Variants in CMYA5 observed in about 807,000 individuals in gnomAD.
The protein encoded by CMYA5 is cardiomyopathy-associated protein 5.
In CMYA5, 246 loss-of-function variants were observed where a neutral mutation model predicts 318.9. The ratio of observed to expected loss-of-function variants is 0.77; its 90% CI spans 0.70 to 0.86. CMYA5 has a LOEUF of 0.86. Among genes scored for constraint, CMYA5 ranks in the 40% least tolerant of loss-of-function variants. The probability of loss-of-function intolerance (pLI) is 0.00; values close to 1 mark genes in which losing one functional copy is unlikely to be tolerated. For missense variants in CMYA5, 4,589 were observed against 4,678.2 expected (o/e 0.98, Z 0.56); for synonymous variants, 1,641 against 1,729.5 (o/e 0.95, Z 1.27).
rs377265303 is a variant in CMYA5, at chr5:79,735,654, G to A, written c.6889G>A (p.Asp2297Asn). 41 of 1,613,044 alleles carry A rather than the reference G, an allele frequency of 2.5e-5. No individual in the cohort carries two copies. The African/African-American group carries it at 3.3e-4, about 13-fold the overall frequency. Residue 2297 changes from aspartate to asparagine, a missense_variant, in exon 2 of 13, where the codon GAT (aspartate) becomes AAT (asparagine). Coordinates refer to ENST00000446378, the MANE Select transcript of CMYA5 (RefSeq NM_153610.5). ...EDYGKKEISGDSEEMNINSVV... is the reference protein window; with the variant it reads ...EDYGKKEISGNSEEMNINSVV... ...TTATGGAAAAAAAGAAATCTCAGGC[G>A]ATTCAGAGGAAATGAACATAAACTC...
At chr5:79,695,966 T>C (rs1827059436) in intron 1 of CMYA5, among the ~76,000 whole-genome samples, 1 of 152,234 alleles carries the variant, frequency 6.6e-6, no homozygotes, top group South Asian at 2.1e-4. Flanking sequence ...CATCTCAGGA[T>C]TTTTTAAGGT....
chr5:79,739,906 C>T (rs547204076), intron 2 of CMYA5, among the ~76,000 whole-genome samples: 1 of 151,978 alleles, frequency 6.6e-6, no homozygotes, highest in Admixed American at 6.6e-5. Flanking sequence ...TCAGTTGAGC[C>T]CAGGAGGTCA....
At chr5:79,739,712 G>T (rs1394132738) in intron 2 of CMYA5, among the ~76,000 whole-genome samples, 1 of 152,096 alleles carries the variant, frequency 6.6e-6, no homozygotes, top group Non-Finnish European at 1.5e-5. Flanking sequence ...GCTGGGTGTG[G>T]TGGCTCACAC....
intron 1 of CMYA5, among the ~76,000 whole-genome samples, chr5:79,694,572 C>T (rs1221897472): frequency 2.0e-5 from 3 of 152,196 alleles, no homozygotes; most frequent in African/African-American, 7.2e-5. Flanking sequence ...ACTTAAAAAT[C>T]ACCTTCAATT....
At chr5:79,713,259 T>C (rs1334914568) in intron 1 of CMYA5, among the ~76,000 whole-genome samples, 1 of 151,806 alleles carries the variant, frequency 6.6e-6, no homozygotes, top group Non-Finnish European at 1.5e-5. Context: ...CACTAAACAT[T>C]CTCAGCACAC....
At chr5:79,705,730 C>T (rs74939279) in intron 1 of CMYA5, among the ~76,000 whole-genome samples, 3 of 152,128 alleles carry the variant, frequency 2.0e-5, no homozygotes, top group South Asian at 2.1e-4. Flanking sequence ...CACCAATCAG[C>T]GTCTAGGACT....
intron 9 of CMYA5, among the ~76,000 whole-genome samples, chr5:79,771,818 T>C (rs140990359): frequency 3.9e-4 from 59 of 152,308 alleles, no homozygotes; most frequent in African/African-American, 1.3e-3. Context: ...GCCTGTCTTC[T>C]TCTTTCAACT....
At chr5:79,760,947 C>T (rs143594063) in intron 7 of CMYA5, among the ~76,000 whole-genome samples, 4 of 152,086 alleles carry the variant, frequency 2.6e-5, no homozygotes, top group Admixed American at 2.6e-4. Flanking sequence ...GAAGAGCTCC[C>T]GATTTTCTTT....
At chr5:79,743,993 A>T in intron 3 of CMYA5, 71 bp downstream of exon 3, 1 of 755,028 alleles carries the variant, frequency 1.3e-6, no homozygotes, top group Non-Finnish European at 2.1e-6. Flanking sequence ...TTCTGAGGTG[A>T]AGGGATCTGA....
At chr5:79,761,564 TCTTA>T in intron 7 of CMYA5, among the ~76,000 whole-genome samples, 1 of 152,366 alleles carries the variant, frequency 6.6e-6, no homozygotes, top group African/African-American at 2.4e-5. Context: ...AAGCTCAGAA[TCTTA>T]CTAATATGCT....
At position 79,772,899 on chromosome 5, in the gene CMYA5, T is replaced by C. The variant is rs1054428091; in HGVS notation, c.11555+9690T>C. ...ATTAACTATTTAACTACGATCTGTG[T>C]AGTTCAATCTCTAAGATGTCAGTTG... On this transcript the variant is annotated intron_variant, in intron 9 of 12. Transcript: ENST00000446378. 2.0e-5 allele frequency among the ~76,000 whole-genome samples: 3 copies of C among 152,230 alleles called. No individual in the cohort carries two copies. The South Asian group carries it at 6.2e-4, about 32-fold the overall frequency.
intron 1 of CMYA5, among the ~76,000 whole-genome samples, chr5:79,712,716 G>A (rs1438893209): frequency 6.6e-6 from 1 of 152,126 alleles, no homozygotes. Context: ...GGAAGGCCAT[G>A]AAGGAAATCT....
Position 79,734,804 on chromosome 5 carries a change from G to C in CMYA5, c.6039G>C (p.Leu2013Phe). The C allele has an allele frequency of 6.2e-7, 1 of 1,613,804 alleles. No individual in the cohort carries two copies. The highest frequency in any genetic ancestry group is 8.5e-7 in the Non-Finnish European group (1 of 1,179,812). Residue 2013 changes from leucine (L) to phenylalanine (F), a missense_variant, in exon 2 of 13, where the codon TTG becomes TTC. Around this residue, in one of 3 missense-constraint regions of CMYA5, gnomAD observed 2,431 missense variants for 2,495.1 expected, o/e 0.97. Coordinates refer to ENST00000446378, the MANE Select transcript of CMYA5 (RefSeq NM_153610.5). The part of the protein sequence containing the change: ...NIAEGKEIHS[L>F]MESESLLLEK... ...CAGAGGGGAAGGAGATTCATTCTTT[G>C]ATGGAGAGTGAAAGTTTGCTATTGG...
In CMYA5 at chr5:79,709,960, C is replaced by CAAAAAAAAAAAAAAA. The variant is rs61657639; in HGVS notation, c.150-18941_150-18927dup. Among the ~76,000 whole-genome samples the CAAAAAAAAAAAAAAA allele has an allele frequency of 7.9e-3, 191 of 24,232 alleles. 1 individual carries two copies. The highest frequency in any genetic ancestry group is 8.5e-3 in the South Asian group (3 of 354). 15.9% of individuals were successfully genotyped at this position (24,232 alleles called of 152,430 possible). On this transcript the variant is annotated intron_variant, in intron 1 of 12. Coordinates refer to ENST00000446378, the MANE Select transcript of CMYA5 (RefSeq NM_153610.5). Reference sequence around the variant, plus strand: ...TGGGTGACAGAGTGAGACTCCATCTCAAAAAAAAAAAAAAAAAAAAAAAAA... The same window carrying CAAAAAAAAAAAAAAA: ...TGGGTGACAGAGTGAGACTCCATCTCAAAAAAAAAAAAAAAAAAAAAAAAAAAAAAAAAAAAAAAA...
intron 1 of CMYA5, among the ~76,000 whole-genome samples, chr5:79,693,332 C>T (rs1372169960): frequency 1.5e-5 from 2 of 130,032 alleles, no homozygotes; most frequent in African/African-American, 6.7e-5. Context: ...TTCAAAGTCA[C>T]ACAATTTTTT....
At chr5:79,748,896 G>A (rs1828382581) in intron 5 of CMYA5, among the ~76,000 whole-genome samples, 1 of 152,082 alleles carries the variant, frequency 6.6e-6, no homozygotes, top group African/African-American at 2.4e-5. Flanking sequence ...CATCTATACT[G>A]GACAGTGTAG....
rs1375899320 is a variant in CMYA5, at chr5:79,736,112, G to C, written c.7347G>C (p.Arg2449Ser). Reference protein sequence around the residue: ...LKISEEETKLRSVSPTEKKDN... With the variant: ...LKISEEETKLSSVSPTEKKDN... Reference sequence around the variant, plus strand: ...TTTCTGAAGAGGAAACAAAACTCAGGTCTGTTAGTCCAACTGAGAAGAAAG... The same window carrying C: ...TTTCTGAAGAGGAAACAAAACTCAGCTCTGTTAGTCCAACTGAGAAGAAAG... Residue 2449 changes from arginine to serine, a missense_variant, in exon 2 of 13, where the codon AGG becomes AGC. This residue lies in a region of CMYA5 where 2,431 missense variants were observed against 2,495.1 expected (regional missense o/e 0.97). Transcript: ENST00000446378. 1 of 1,613,332 alleles carries C rather than the reference G, an allele frequency of 6.2e-7. No homozygotes were observed. The highest frequency in any genetic ancestry group is 1.3e-5 in the African/African-American group (1 of 74,872).
At chr5:79,721,539 A>T (rs565271701) in intron 1 of CMYA5, among the ~76,000 whole-genome samples, 32 of 152,316 alleles carry the variant, frequency 2.1e-4, no homozygotes, top group African/African-American at 7.2e-4. Context: ...TGCTGCTTAT[A>T]AGCAACATAT....
chr5:79,690,322 G>A (rs767266438), intron 1 of CMYA5, among the ~76,000 whole-genome samples: 7 of 152,130 alleles, frequency 4.6e-5, no homozygotes, highest in Non-Finnish European at 1.0e-4. Flanking sequence ...ATTTACTTAG[G>A]TCCTGCATAA....
Sources: allele counts gnomAD v4.1 joint callset (sites outside exome capture counted in the v4.1 genomes callset), GRCh38; gene constraint gnomAD v4.1.1; regional missense constraint gnomAD v4.1.1; transcripts MANE v1.5; gene names NCBI Gene and HGNC (gene_info 2026-07-23, HGNC 2026-07-21).